Variants in DNAH14 observed in about 807,000 individuals in gnomAD.
DNAH14 encodes the protein dynein axonemal heavy chain 14, also known as axonemal beta dynein heavy chain 14.
DNAH14 carries 478 observed loss-of-function variants against 520.9 expected under a neutral mutation model. The ratio of observed to expected loss-of-function variants is 0.92; its 90% CI spans 0.85 to 0.99. The LOEUF (loss-of-function observed/expected upper bound fraction) is 0.99, where lower values mean the gene tolerates loss of function less well. Ranked by LOEUF, DNAH14 falls within the 50% of genes least tolerant of loss-of-function variation. The pLI is 0.00. For synonymous variants in DNAH14, 1,581 were observed against 1,757.2 expected, an observed-to-expected ratio of 0.90 and a Z score of 2.51; for missense variants, 4,831 against 5,234.5, an observed-to-expected ratio of 0.92 and a Z score of 2.38.
chr1:224,945,662 G>A (rs553867198), intron 1 of DNAH14, among the ~76,000 whole-genome samples: 7 of 152,384 alleles, frequency 4.6e-5, no homozygotes, highest in Admixed American at 2.6e-4. Context: ...GTACAGATGG[G>A]GTTTTGGTGT....
chr1:225,027,320 C>G (rs980913523), intron 11 of DNAH14, among the ~76,000 whole-genome samples: 1 of 152,126 alleles, frequency 6.6e-6, no homozygotes, highest in African/African-American at 2.4e-5. Flanking sequence ...GCGAACATCC[C>G]TGTCTTGTTC....
chr1:225,028,126 A>G (rs917305955), intron 11 of DNAH14, among the ~76,000 whole-genome samples: 1 of 152,096 alleles, frequency 6.6e-6, no homozygotes, highest in Non-Finnish European at 1.5e-5. Flanking sequence ...TTTTGGATTC[A>G]GGATAAGACT....
At chr1:225,331,721 C>G in intron 65 of DNAH14, 144 bp downstream of exon 65, 1 of 1,127,262 alleles carries the variant, frequency 8.9e-7, no homozygotes, top group Non-Finnish European at 1.3e-6. Context: ...CAGTAGACAT[C>G]CTATTCACAT....
At chr1:224,947,286 A>T (rs1458986228) in intron 1 of DNAH14, among the ~76,000 whole-genome samples, 1 of 152,120 alleles carries the variant, frequency 6.6e-6, no homozygotes, top group Non-Finnish European at 1.5e-5. Context: ...TTCCATTACT[A>T]TGCTGCCTCA....
chr1:225,329,056 A>G (rs1271640186), intron 64 of DNAH14, among the ~76,000 whole-genome samples: 1 of 152,220 alleles, frequency 6.6e-6, no homozygotes, highest in Non-Finnish European at 1.5e-5. Flanking sequence ...TGTGTTGTAC[A>G]TACCATGTTC....
intron 79 of DNAH14, among the ~76,000 whole-genome samples, chr1:225,379,638 G>A (rs113396790): frequency 6.6e-5 from 10 of 151,288 alleles, no homozygotes; most frequent in East Asian, 5.8e-4. Context: ...AGTGATTCTC[G>A]TGCCTCAGCC....
chr1:225,312,084 A>C (rs1296547092), intron 60 of DNAH14, among the ~76,000 whole-genome samples: 1 of 152,082 alleles, frequency 6.6e-6, no homozygotes, highest in Non-Finnish European at 1.5e-5. Flanking sequence ...ATGAGCATGG[A>C]ATGTTTTTCC....
chr1:225,297,361 A>G (rs2094032510), intron 55 of DNAH14, among the ~76,000 whole-genome samples: 1 of 151,650 alleles, frequency 6.6e-6, no homozygotes, highest in Non-Finnish European at 1.5e-5. Flanking sequence ...GTCATTTTGT[A>G]TATTTCTGTA....
chr1:225,058,611 A>C (rs1572762535), intron 17 of DNAH14, among the ~76,000 whole-genome samples: 1 of 151,992 alleles, frequency 6.6e-6, no homozygotes, highest in African/African-American at 2.4e-5. Flanking sequence ...TAGTTCTTTT[A>C]ATTGTGATGT....
chr1:225,277,828 T>A (rs776273473), intron 54 of DNAH14, among the ~76,000 whole-genome samples: 136 of 152,336 alleles, frequency 8.9e-4, no homozygotes, highest in Admixed American at 3.3e-3. Context: ...AAATGTGAGC[T>A]TTTGCACAAT....
In DNAH14 at chr1:225,117,767, C is replaced by G; in HGVS notation, c.3951C>G (p.Ser1317Arg). ...AGCTTCTTGATATTCTAGCTGATAG[C>G]AGAAATCCTGAGTCTGTACAGGTAA... ...NAELLDILADSRNPESVQPHL... is the reference protein window; with the variant it reads ...NAELLDILADRRNPESVQPHL... Residue 1317 changes from serine (S) to arginine (R), a missense_variant, in exon 24 of 86, where the codon AGC (serine) becomes AGG (arginine). By Grantham distance (110) the Ser-to-Arg change is moderately radical. Transcript: ENST00000682510. 6.4e-7 allele frequency: 1 copy of G among 1,550,534 alleles called. No individual in the cohort carries two copies. Among genetic ancestry groups the G allele is most frequent in the South Asian group, 1.2e-5 (1 of 83,982 alleles).
chr1:225,049,773 C>CCTATCTATCTATCTAT (rs3047105), intron 15 of DNAH14, among the ~76,000 whole-genome samples: 544 of 143,010 alleles, frequency 3.8e-3, no homozygotes, highest in Non-Finnish European at 6.0e-3. Flanking sequence ...TATCTATCTA[C>CCTATCTATCTATCTAT]CTATCTATCT....
rs1294763542 is a variant in DNAH14, at chr1:225,108,066, A to G, written c.3867+7182A>G. On this transcript the variant is annotated intron_variant, in intron 23 of 85. Transcript: ENST00000682510. ...AGCCAGTCCCACCCTCAATCTGGGT[A>G]GACACCATCTAATCAGCTACCAGTG... Among the ~76,000 whole-genome samples the G allele has an allele frequency of 2.6e-5, 4 of 152,190 alleles. No homozygotes were observed. The East Asian group carries it at 5.8e-4, about 22-fold the overall frequency.
chr1:225,248,875 A>C (rs900118207), intron 43 of DNAH14, among the ~76,000 whole-genome samples: 2 of 152,238 alleles, frequency 1.3e-5, no homozygotes, highest in South Asian at 4.1e-4. Context: ...CCAAAAGAAC[A>C]TCATGGTCCC....
intron 36 of DNAH14, among the ~76,000 whole-genome samples, chr1:225,178,440 A>G (rs879704800): frequency 3.7e-4 from 57 of 152,286 alleles, no homozygotes; most frequent in Admixed American, 9.8e-4. Flanking sequence ...AGGAATAGCA[A>G]GGGAAAGACG....
intron 84 of DNAH14, among the ~76,000 whole-genome samples, chr1:225,395,524 G>A (rs1038439230): frequency 2.6e-5 from 4 of 151,664 alleles, no homozygotes; most frequent in East Asian, 1.9e-4. Context: ...CCCAGGAGGC[G>A]GAGCTTGCAG....
intron 41 of DNAH14, among the ~76,000 whole-genome samples, chr1:225,226,568 T>G (rs2090556534): frequency 6.6e-6 from 1 of 152,158 alleles, no homozygotes; most frequent in Admixed American, 6.6e-5. Flanking sequence ...GTTAGGCAAT[T>G]ATAACATCTT....
chr1:224,933,132 A>G (rs995777509), intron 1 of DNAH14, among the ~76,000 whole-genome samples: 2 of 152,088 alleles, frequency 1.3e-5, no homozygotes, highest in African/African-American at 4.8e-5. Flanking sequence ...TTTTCTATGT[A>G]GAGATCTTTT....
intron 84 of DNAH14, 24 bp downstream of exon 84, chr1:225,392,475 G>T (rs1427451580): frequency 6.5e-7 from 1 of 1,550,322 alleles, no homozygotes; most frequent in South Asian, 1.2e-5. Context: ...TCAAGGATTA[G>T]AAACGGTGAT....
Sources: allele counts gnomAD v4.1 joint callset (sites outside exome capture counted in the v4.1 genomes callset), GRCh38; gene constraint gnomAD v4.1.1; transcripts MANE v1.5; gene names NCBI Gene and HGNC (gene_info 2026-07-23, HGNC 2026-07-21).